The following BACE2 variants were observed in gnomAD, a reference collection of about 807,000 sequenced individuals.
The protein encoded by BACE2 is 56 kDa aspartic-like protease.
A neutral mutation model predicts 46.2 loss-of-function variants in BACE2; 17 were observed. The observed-to-expected ratio is 0.37, with a 90% CI of 0.25 to 0.55. BACE2 has a LOEUF of 0.55. Among genes scored for constraint, BACE2 ranks in the 20% least tolerant of loss-of-function variants. The pLI is 0.82. For missense variants in BACE2, 595 were observed against 698.1 expected (o/e 0.85, Z 1.66); for synonymous variants, 277 against 295.9 (o/e 0.94, Z 0.66).
chr21:41,265,812 G>C (rs968026516), intron 8 of BACE2, among the ~76,000 whole-genome samples: 1 of 152,156 alleles, frequency 6.6e-6, no homozygotes, highest in Non-Finnish European at 1.5e-5. Flanking sequence ...TATTTAAATA[G>C]TTTGATATTT....
rs1020429391 is a variant in BACE2, at chr21:41,235,414, C to T, written c.402-2099C>T. On this transcript the variant is annotated intron_variant, in intron 2 of 8. Coordinates refer to ENST00000330333, the MANE Select transcript of BACE2 (RefSeq NM_012105.5). ...GTTTGCTGTTATACATAAAACATCACGACCATCCTGGCACATGAACCTCTG... is the reference window on the plus strand; with the variant it reads ...GTTTGCTGTTATACATAAAACATCATGACCATCCTGGCACATGAACCTCTG... Among the ~76,000 whole-genome samples, 9 of 152,214 alleles carry T rather than the reference C, an allele frequency of 5.9e-5. No individual in the cohort carries two copies. The South Asian group carries it at 6.2e-4, about 11-fold the overall frequency.
At chr21:41,198,693 C>A (rs1985828168) in intron 1 of BACE2, among the ~76,000 whole-genome samples, 1 of 152,126 alleles carries the variant, frequency 6.6e-6, no homozygotes. Flanking sequence ...ACTCGAGTTT[C>A]AGCACCACTG....
At chr21:41,201,463 C>CA (rs1270088601) in intron 1 of BACE2, among the ~76,000 whole-genome samples, 1 of 152,206 alleles carries the variant, frequency 6.6e-6, no homozygotes, top group African/African-American at 2.4e-5. Context: ...GCACTTGAAA[C>CA]AAAAAGGATT....
At chr21:41,221,627 C>A (rs1986651674) in intron 1 of BACE2, among the ~76,000 whole-genome samples, 1 of 152,062 alleles carries the variant, frequency 6.6e-6, no homozygotes, top group Admixed American at 6.6e-5. Context: ...AGATCGAGAC[C>A]ATCCTGGCTA....
intron 1 of BACE2, among the ~76,000 whole-genome samples, chr21:41,221,376 G>A (rs575911343): frequency 3.3e-5 from 5 of 152,268 alleles, no homozygotes; most frequent in East Asian, 1.9e-4. Context: ...CCAACAGCTC[G>A]AAAACTGTGT....
At chr21:41,267,830 G>A (rs1305426491) in intron 8 of BACE2, among the ~76,000 whole-genome samples, 2 of 152,128 alleles carry the variant, frequency 1.3e-5, no homozygotes, top group Non-Finnish European at 2.9e-5. Context: ...CCCCTATCCT[G>A]AAACTCCAGA....
chr21:41,265,119 T>C (rs1261597672), intron 8 of BACE2, among the ~76,000 whole-genome samples: 1 of 152,074 alleles, frequency 6.6e-6, no homozygotes, highest in Non-Finnish European at 1.5e-5. Flanking sequence ...AGGTACGATA[T>C]AGCACATAGT....
intron 8 of BACE2, among the ~76,000 whole-genome samples, chr21:41,270,491 A>G (rs1277240241): frequency 6.6e-6 from 1 of 152,148 alleles, no homozygotes; most frequent in African/African-American, 2.4e-5. Context: ...AGCATAGTTC[A>G]TTGCAGCCTC....
chr21:41,218,045 CTGTT>C (rs1316342391), intron 1 of BACE2, among the ~76,000 whole-genome samples: 1 of 152,208 alleles, frequency 6.6e-6, no homozygotes, highest in Non-Finnish European at 1.5e-5. Flanking sequence ...CAGTTTGTGG[CTGTT>C]TGTTAAGGCA....
At chr21:41,214,150 G>T (rs752594556) in intron 1 of BACE2, among the ~76,000 whole-genome samples, 14 of 152,210 alleles carry the variant, frequency 9.2e-5, no homozygotes, top group Non-Finnish European at 1.5e-4. Context: ...AAGAGGGAGG[G>T]TGCAGAGAGA....
At chr21:41,270,266 T>C (rs1254128037) in intron 8 of BACE2, among the ~76,000 whole-genome samples, 1 of 152,202 alleles carries the variant, frequency 6.6e-6, no homozygotes, top group Admixed American at 6.5e-5. Context: ...TTTCAAATAT[T>C]TTTGCCAAGT....
At chr21:41,263,532 T>A (rs1987993198) in intron 8 of BACE2, among the ~76,000 whole-genome samples, 1 of 152,238 alleles carries the variant, frequency 6.6e-6, no homozygotes, top group Non-Finnish European at 1.5e-5. Context: ...TGCTTTTGGA[T>A]GTCTTTTATA....
At chr21:41,268,135 C>T (rs1183560495) in intron 8 of BACE2, among the ~76,000 whole-genome samples, 3 of 152,336 alleles carry the variant, frequency 2.0e-5, no homozygotes, top group South Asian at 2.1e-4. Context: ...CAGGACTGTA[C>T]TAAGTGCTTA....
In BACE2 at chr21:41,245,029, C is replaced by T. The variant is rs1275136043; in HGVS notation, c.883-933C>T. Among the ~76,000 whole-genome samples the T allele has an allele frequency of 4.6e-5, 7 of 151,888 alleles. No homozygotes were observed. In the East Asian group the frequency reaches 9.7e-4, roughly 21 times the overall value. ...CAACAAATCCCAGGACATCTTAGCG[C>T]AACATTTCAGTTTGCATATTTTACA... On this transcript the variant is annotated intron_variant, in intron 5 of 8. Transcript: ENST00000330333.
Position 41,266,254 on chromosome 21 carries a change from C to G in BACE2, c.1303+8928C>G, listed in dbSNP as rs73222293. Among the ~76,000 whole-genome samples, 1,347 of 152,276 alleles carry G rather than the reference C, an allele frequency of 8.8e-3. 8 individuals carry two copies. The highest frequency in any genetic ancestry group is 0.015 in the Admixed American group (225 of 15,300). On this transcript the variant is annotated intron_variant, in intron 8 of 8. Coordinates refer to ENST00000330333, the MANE Select transcript of BACE2 (RefSeq NM_012105.5). ...GGGTTTTTAGTCACTTTAAACACAGCTATGGTATAATCTTGTGCACGTTGT... is the reference window on the plus strand; with the variant it reads ...GGGTTTTTAGTCACTTTAAACACAGGTATGGTATAATCTTGTGCACGTTGT...
chr21:41,211,637 G>T (rs1194442346), intron 1 of BACE2, among the ~76,000 whole-genome samples: 1 of 152,260 alleles, frequency 6.6e-6, no homozygotes, highest in East Asian at 1.9e-4. Context: ...CTGCTGCTGT[G>T]GGTTCGGCTT....
At chr21:41,243,256 C>A in intron 4 of BACE2, 120 bp from the exon 5 acceptor site, 1 of 809,202 alleles carries the variant, frequency 1.2e-6, no homozygotes, top group Non-Finnish European at 1.8e-6. Context: ...ATGACATTGT[C>A]ACGAAGTAGA....
intron 7 of BACE2, among the ~76,000 whole-genome samples, chr21:41,251,717 C>T (rs942376119): frequency 6.6e-6 from 1 of 151,972 alleles, no homozygotes; most frequent in Non-Finnish European, 1.5e-5. Context: ...AGGAGAATTG[C>T]TTGAACCTGG....
intron 1 of BACE2, among the ~76,000 whole-genome samples, chr21:41,169,312 G>T (rs1485905945): frequency 6.6e-6 from 1 of 152,088 alleles, no homozygotes; most frequent in African/African-American, 2.4e-5. Flanking sequence ...GGGGCTGAGT[G>T]AGGTGTCCGG....
Sources: allele counts gnomAD v4.1 joint callset (sites outside exome capture counted in the v4.1 genomes callset), GRCh38; gene constraint gnomAD v4.1.1; transcripts MANE v1.5; gene names NCBI Gene and HGNC (gene_info 2026-07-23, HGNC 2026-07-21).